IFFO2: variants seen among roughly 807,000 people sequenced by gnomAD.
IFFO2 encodes the protein intermediate filament family orphan 2.
In IFFO2, 19 loss-of-function variants were observed where a neutral mutation model predicts 53.5. The ratio of observed to expected loss-of-function variants is 0.36; its 90% confidence interval spans 0.25 to 0.52. IFFO2 has a LOEUF of 0.52. Among genes scored for constraint, IFFO2 ranks in the 20% least tolerant of loss-of-function variants. The pLI is 0.94. For synonymous variants in IFFO2, 303 were observed against 313.6 expected (o/e 0.97, Z 0.36); for missense variants, 570 against 727.4 (o/e 0.78, Z 2.49).
At chr1:18,926,344 G>C (rs1461434655) in intron 1 of IFFO2, among the ~76,000 whole-genome samples, 1 of 152,192 alleles carries the variant, frequency 6.6e-6, no homozygotes, top group African/African-American at 2.4e-5. Context: ...GGCCAGGCCA[G>C]GGGGAGGGAT....
At chr1:18,935,866 T>C (rs1380932632) in intron 1 of IFFO2, among the ~76,000 whole-genome samples, 2 of 99,548 alleles carry the variant, frequency 2.0e-5, no homozygotes, top group African/African-American at 9.2e-5. Context: ...ATTTTTCTAT[T>C]TTTTTTTTTT....
chr1:18,925,763 T>A (rs1372117575), intron 1 of IFFO2, among the ~76,000 whole-genome samples: 2 of 151,618 alleles, frequency 1.3e-5, no homozygotes, highest in African/African-American at 4.9e-5. Context: ...ATTGGTTGGA[T>A]GGATGGATGG....
Position 18,936,645 on chromosome 1 carries a change from G to T in IFFO2, c.666-15524C>A, listed in dbSNP as rs1312638145. On this transcript the variant is annotated intron_variant, in intron 1 of 8. Coordinates refer to ENST00000455833, the MANE Select transcript of IFFO2 (RefSeq NM_001136265.2). This position sits in a 1 kb window ranked among gnomAD's most constrained non-coding sequence, Gnocchi z 4.5. ...TCCACTGTTTATTCCAAGTGACTGT[G>T]CTGCCCTGGAGGTAAATGTAGGGCA... Among the ~76,000 whole-genome samples the T allele has an allele frequency of 1.3e-5, 2 of 152,246 alleles. No homozygotes were observed. The highest frequency in any genetic ancestry group is 2.9e-5 in the Non-Finnish European group (2 of 68,046).
intron 1 of IFFO2, among the ~76,000 whole-genome samples, chr1:18,943,888 C>T (rs917755501): frequency 2.6e-5 from 4 of 152,212 alleles, no homozygotes; most frequent in Non-Finnish European, 4.4e-5. Flanking sequence ...CCTGTCTCTG[C>T]GGACCCCACT....
In IFFO2 at chr1:18,908,633, G is replaced by A. The variant is rs989730005; in HGVS notation, c.1482C>T (p.Ser494=). The change falls in exon 9 of 9, where the codon AGC becomes AGT. Residue 494 remains serine, a synonymous_variant. Transcript: ENST00000455833. ...NSPSPSSVAS[S]DSGSTDEIQD... Reference sequence around the variant, plus strand: ...GGATCTCATCTGTACTTCCTGAGTCGCTGCTGGCCACGGAGCTGGGGGACG... The same window carrying A: ...GGATCTCATCTGTACTTCCTGAGTCACTGCTGGCCACGGAGCTGGGGGACG... The A allele has an allele frequency of 4.5e-6, 7 of 1,551,434 alleles. No homozygotes were observed. The highest frequency in any genetic ancestry group is 2.4e-5 in the East Asian group (1 of 40,924).
At chr1:18,945,684 G>T (rs900308046) in intron 1 of IFFO2, among the ~76,000 whole-genome samples, 2 of 152,198 alleles carry the variant, frequency 1.3e-5, no homozygotes, top group Non-Finnish European at 2.9e-5. Flanking sequence ...TCAGAGACAG[G>T]CCCCACCCCC....
rs1329555863 is a variant in IFFO2 at position 18,907,136 on chromosome 1, A to C, written c.*1425T>G. 6.6e-6 allele frequency: 1 copy of C among 152,238 alleles called. No homozygotes were observed. Among genetic ancestry groups the C allele is most frequent in the Non-Finnish European group, 1.5e-5 (1 of 68,044 alleles). The allele number at this position is 152,238 out of a possible 1,614,324, so 9.4% of individuals were successfully genotyped here. On this transcript the variant is annotated 3_prime_UTR_variant, in exon 9 of 9. Coordinates refer to ENST00000455833, the MANE Select transcript of IFFO2 (RefSeq NM_001136265.2). The stretch of plus-strand genomic sequence containing the variant: ...GACCACTAGAGGGAGCTCCTGGGAC[A>C]ATAAAAAATTAAAATTGGCAACAGA...
In IFFO2 at chr1:18,914,319, T is replaced by A. The variant is rs1011868759; in HGVS notation, c.1104-2236A>T. 1.1e-4 allele frequency among the ~76,000 whole-genome samples: 17 copies of A among 152,344 alleles called. No individual in the cohort carries two copies. The East Asian group carries it at 3.1e-3, about 28-fold the overall frequency. ...CTGGCTTCCACTCTGATCTGTCTCCTTTTTAGCTCACTCCATTGCTGGTCA... is the reference window on the plus strand; with the variant it reads ...CTGGCTTCCACTCTGATCTGTCTCCATTTTAGCTCACTCCATTGCTGGTCA... On this transcript the variant is annotated intron_variant, in intron 5 of 8. Transcript: ENST00000455833.
At chr1:18,954,594 C>T (rs747683642) in intron 1 of IFFO2, among the ~76,000 whole-genome samples, 3 of 152,242 alleles carry the variant, frequency 2.0e-5, no homozygotes, top group Non-Finnish European at 2.9e-5. Flanking sequence ...ATTGCCAGGG[C>T]CAGAGGGCCC....
intron 1 of IFFO2, among the ~76,000 whole-genome samples, chr1:18,943,033 T>C (rs1936540381): frequency 6.6e-6 from 1 of 151,954 alleles, no homozygotes; most frequent in Non-Finnish European, 1.5e-5. Flanking sequence ...TAAATGCTAA[T>C]ATTTTATTTA....
In IFFO2 at chr1:18,917,090, A is replaced by T; in HGVS notation, c.964-48T>A. On this transcript the variant is annotated intron_variant, in intron 4 of 8. Coordinates refer to ENST00000455833, the MANE Select transcript of IFFO2 (RefSeq NM_001136265.2). The surrounding 1 kb of genome is among the most constrained non-coding windows in gnomAD (Gnocchi z 5.9). ...AAGGTAACTGGGGGGCTCGGCTAGG[A>T]TGGAAGGTAGGGGTGAACTGGGAAG... The T allele has an allele frequency of 6.5e-7, 1 of 1,546,434 alleles. No homozygotes were observed. Among genetic ancestry groups the T allele is most frequent in the Non-Finnish European group, 8.7e-7 (1 of 1,143,908 alleles).
rs920388189 is a variant in IFFO2 at position 18,918,540 on chromosome 1, T to G, written c.823-38A>C. The G allele has an allele frequency of 2.6e-6, 4 of 1,549,210 alleles. No individual in the cohort carries two copies. Among genetic ancestry groups the G allele is most frequent in the African/African-American group, 1.4e-5 (1 of 72,836 alleles). On this transcript the variant is annotated intron_variant, in intron 3 of 8. Transcript: ENST00000455833. This position sits in a 1 kb window ranked among gnomAD's most constrained non-coding sequence, Gnocchi z 5.2. ...CAGCAGGGTTTACATGAGCGAGGGA[T>G]GGAGCAAGCCTGGGGGGCTTGGCAG... is the stretch of plus-strand genomic sequence containing the variant.
At chr1:18,935,549 C>A (rs952441913) in intron 1 of IFFO2, among the ~76,000 whole-genome samples, 11 of 152,154 alleles carry the variant, frequency 7.2e-5, no homozygotes, top group Non-Finnish European at 4.4e-5. Flanking sequence ...CAGCTTATAA[C>A]CCCCTCCAGG....
chr1:18,919,878 G>C lies in IFFO2; in HGVS notation c.727-105C>G. On this transcript the variant is annotated intron_variant, in intron 2 of 8. Coordinates refer to ENST00000455833, the MANE Select transcript of IFFO2 (RefSeq NM_001136265.2). This position sits in a 1 kb window ranked among gnomAD's most constrained non-coding sequence, Gnocchi z 4.9. ...CCCTAGGCACCCGATGTCCACCCCA[G>C]CTGGGCACCTGCAGCCAGGGAAGGG... The C allele has an allele frequency of 1.4e-6, 1 of 723,842 alleles. No individual in the cohort carries two copies. The highest frequency in any genetic ancestry group is 2.7e-5 in the East Asian group (1 of 36,790). 44.8% of individuals were successfully genotyped at this position (723,842 alleles called of 1,614,324 possible). A position where few individuals can be genotyped will look rare whatever the true frequency, so the allele number is the denominator to read the frequency against.
At position 18,922,452 on chromosome 1, in the gene IFFO2, C is replaced by T. The variant is rs140375697; in HGVS notation, c.666-1331G>A. ...CAGAGGGGAGGGAGGGGTGGAGAGC[C>T]GGTTACGTCACCGGCTTTTGGAAAC... On this transcript the variant is annotated intron_variant, in intron 1 of 8. Coordinates refer to ENST00000455833, the MANE Select transcript of IFFO2 (RefSeq NM_001136265.2). 2.7e-3 allele frequency among the ~76,000 whole-genome samples: 412 copies of T among 152,194 alleles called. 3 individuals carry two copies. Among genetic ancestry groups the T allele is most frequent in the Non-Finnish European group, 4.4e-3 (297 of 68,008 alleles).
intron 1 of IFFO2, among the ~76,000 whole-genome samples, chr1:18,951,667 A>AG (rs1490515630): frequency 6.6e-6 from 1 of 152,178 alleles, no homozygotes; most frequent in Non-Finnish European, 1.5e-5. Context: ...GCCAGGCTGG[A>AG]GGGACCTTTT....
In IFFO2 at chr1:18,911,428, TGAA is replaced by T. The variant is rs1395561025; in HGVS notation, c.1270_1272del (p.Phe424del). The T allele has an allele frequency of 6.6e-7, 1 of 1,525,282 alleles. No homozygotes were observed. Among genetic ancestry groups the T allele is most frequent in the Non-Finnish European group, 8.8e-7 (1 of 1,135,532 alleles). The allele number at this position is 1,525,282 out of a possible 1,614,324, so 94.5% of individuals were successfully genotyped here. A position where few individuals can be genotyped will look rare whatever the true frequency, so the allele number is the denominator to read the frequency against. On this transcript the variant is annotated inframe_deletion, in exon 7 of 9. Coordinates refer to ENST00000455833, the MANE Select transcript of IFFO2 (RefSeq NM_001136265.2). ...TCCTGGTACTCCTTGTCTCTCGTCTTGAAGAAGGATTCGGTCTCATGGATCAAG... is the reference window on the plus strand; with the variant it reads ...TCCTGGTACTCCTTGTCTCTCGTCTTGAAGGATTCGGTCTCATGGATCAAG...
Position 18,956,002 on chromosome 1 carries a change from G to T in IFFO2, c.331C>A (p.Pro111Thr). 7.2e-7 allele frequency: 1 copy of T among 1,387,662 alleles called. No individual in the cohort carries two copies. The highest frequency in any genetic ancestry group is 3.3e-5 in the East Asian group (1 of 30,288). The allele number at this position is 1,387,662 out of a possible 1,614,324, so 86.0% of individuals were successfully genotyped here. Residue 111 changes from proline to threonine, a missense_variant, in exon 1 of 9, where the codon CCC (proline) becomes ACC (threonine). Coordinates refer to ENST00000455833, the MANE Select transcript of IFFO2 (RefSeq NM_001136265.2). The surrounding 1 kb of genome is among the most constrained non-coding windows in gnomAD (Gnocchi z 6.4). ...GGCGCCGGGGGCCGCAGCAACTCGG[G>T]CCCGGTCTGCACGGCCTGCTCGCGG... ...FSREQAVQTG[P>T]ELLRPPAPGG...
intron 1 of IFFO2, among the ~76,000 whole-genome samples, chr1:18,931,879 C>G (rs1024186728): frequency 6.6e-6 from 1 of 152,232 alleles, no homozygotes; most frequent in Non-Finnish European, 1.5e-5. Context: ...CCCTGGGTTA[C>G]AGTGCCACGG....
Sources: gnomAD v4.1 joint callset for allele counts (sites outside exome capture counted in the v4.1 genomes callset) on GRCh38, gnomAD v4.1.1 for gene constraint, Gnocchi (gnomAD v3.1) non-coding constraint, MANE v1.5 for transcripts, NCBI Gene and HGNC (gene_info 2026-07-23, HGNC 2026-07-21) for gene names.